The following LHFPL3 variants were observed in gnomAD, a reference collection of about 807,000 sequenced individuals.
LHFPL3 encodes LHFPL tetraspan subfamily member 3 protein.
In LHFPL3, 5 loss-of-function variants were observed where a neutral mutation model predicts 19.3. That is an observed-to-expected ratio of 0.26 (90% CI 0.14 to 0.54). The LOEUF (loss-of-function observed/expected upper bound fraction) is 0.54. Among genes scored for constraint, LHFPL3 ranks in the 20% least tolerant of loss-of-function variants. The pLI, the probability that LHFPL3 is intolerant of heterozygous loss-of-function variation, is 0.94. For missense variants in LHFPL3, 249 were observed against 307.4 expected (o/e 0.81, Z 1.42); for synonymous variants, 133 against 126.2 (o/e 1.05, Z -0.36).
chr7:104,561,311 G>T (rs1303829524), intron 1 of LHFPL3, among the ~76,000 whole-genome samples: 1 of 149,392 alleles, frequency 6.7e-6, no homozygotes, highest in East Asian at 1.9e-4. Flanking sequence ...TAATGTGTGG[G>T]AGTCTAAGTC....
intron 1 of LHFPL3, among the ~76,000 whole-genome samples, chr7:104,405,394 A>C (rs1435173322): frequency 2.0e-5 from 3 of 152,222 alleles, no homozygotes; most frequent in Non-Finnish European, 4.4e-5. Flanking sequence ...AGTACATTTA[A>C]TATTTAATTT....
At chr7:104,372,470 G>C (rs1790634150) in intron 1 of LHFPL3, among the ~76,000 whole-genome samples, 1 of 152,112 alleles carries the variant, frequency 6.6e-6, no homozygotes, top group African/African-American at 2.4e-5. Context: ...GGTTGTGATT[G>C]GTTTTGAGGC....
chr7:104,516,840 G>C (rs1156750051), intron 1 of LHFPL3, among the ~76,000 whole-genome samples: 3 of 152,012 alleles, frequency 2.0e-5, no homozygotes, highest in Non-Finnish European at 4.4e-5. Flanking sequence ...AAAGACACAT[G>C]CACGTGTATA....
chr7:104,511,524 A>T (rs1793812407), intron 1 of LHFPL3, among the ~76,000 whole-genome samples: 2 of 152,362 alleles, frequency 1.3e-5, no homozygotes, highest in East Asian at 3.9e-4. Context: ...GTAAGTATTC[A>T]TGGCAGCTTC....
intron 1 of LHFPL3, among the ~76,000 whole-genome samples, chr7:104,663,673 G>A (rs1792273910): frequency 6.6e-6 from 1 of 152,204 alleles, no homozygotes; most frequent in Admixed American, 6.5e-5. Flanking sequence ...ATATAAGAGA[G>A]CAAGTTTGGG....
At chr7:104,885,669 T>C (rs1792133918) in intron 2 of LHFPL3, among the ~76,000 whole-genome samples, 2 of 152,158 alleles carry the variant, frequency 1.3e-5, no homozygotes, top group Admixed American at 6.6e-5. Flanking sequence ...TTCCAGACCA[T>C]GTCATCACCT....
chr7:104,818,634 C>A (rs937793329), intron 2 of LHFPL3, among the ~76,000 whole-genome samples: 3 of 152,026 alleles, frequency 2.0e-5, no homozygotes, highest in African/African-American at 7.2e-5. Flanking sequence ...AGTAAAATAA[C>A]CAATAACCTA....
At chr7:104,459,685 G>A (rs191426057) in intron 1 of LHFPL3, among the ~76,000 whole-genome samples, 2 of 152,306 alleles carry the variant, frequency 1.3e-5, no homozygotes, top group African/African-American at 4.8e-5. Flanking sequence ...GCACTGGAGA[G>A]GAGATAAATA....
intron 1 of LHFPL3, among the ~76,000 whole-genome samples, chr7:104,404,190 T>C (rs1791373025): frequency 6.6e-6 from 1 of 152,210 alleles, no homozygotes; most frequent in Non-Finnish European, 1.5e-5. Flanking sequence ...ATCTTGAATC[T>C]TGGTCAGTAA....
intron 1 of LHFPL3, among the ~76,000 whole-genome samples, chr7:104,532,318 C>CTTTTTTTTT (rs71155504): frequency 2.0e-3 from 176 of 87,192 alleles, no homozygotes; most frequent in Non-Finnish European, 2.5e-3. Context: ...TTCTTTCTGT[C>CTTTTTTTTT]TTTTTTTTTT....
At chr7:104,477,948 G>A (rs1245871427) in intron 1 of LHFPL3, among the ~76,000 whole-genome samples, 1 of 152,122 alleles carries the variant, frequency 6.6e-6, no homozygotes, top group Non-Finnish European at 1.5e-5. Flanking sequence ...AGCACTAGGG[G>A]TTAGTCCATG....
chr7:104,452,701 T>C (rs1375675942), intron 1 of LHFPL3, among the ~76,000 whole-genome samples: 1 of 152,214 alleles, frequency 6.6e-6, no homozygotes, highest in Non-Finnish European at 1.5e-5. Context: ...ATTACCTGCT[T>C]ATACTCTTTA....
chr7:104,405,492 A>G (rs1289969521), intron 1 of LHFPL3, among the ~76,000 whole-genome samples: 1 of 152,168 alleles, frequency 6.6e-6, no homozygotes, highest in Non-Finnish European at 1.5e-5. Flanking sequence ...TGTGCCTGGC[A>G]TTCACTTAAA....
chr7:104,659,681 C>A (rs1792188218), intron 1 of LHFPL3, among the ~76,000 whole-genome samples: 1 of 152,118 alleles, frequency 6.6e-6, no homozygotes. Flanking sequence ...AAATAAGCAG[C>A]TGAACTGAAT....
At chr7:104,613,394 C>A (rs1331597408) in intron 1 of LHFPL3, among the ~76,000 whole-genome samples, 1 of 152,114 alleles carries the variant, frequency 6.6e-6, no homozygotes, top group Non-Finnish European at 1.5e-5. Context: ...TCCTAGAATT[C>A]CTTTCTTGTG....
At chr7:104,360,879 G>A (rs1562874812) in intron 1 of LHFPL3, among the ~76,000 whole-genome samples, 1 of 152,166 alleles carries the variant, frequency 6.6e-6, no homozygotes, top group Non-Finnish European at 1.5e-5. Context: ...CCAGGGATGG[G>A]CAAACGATAG....
At chr7:104,391,854 A>T (rs1791076817) in intron 1 of LHFPL3, among the ~76,000 whole-genome samples, 1 of 152,060 alleles carries the variant, frequency 6.6e-6, no homozygotes, top group South Asian at 2.1e-4. Context: ...ATCCTCTTTT[A>T]TTTCATTGAG....
At chr7:104,389,153 G>A (rs1270472621) in intron 1 of LHFPL3, among the ~76,000 whole-genome samples, 2 of 152,014 alleles carry the variant, frequency 1.3e-5, no homozygotes, top group Admixed American at 6.6e-5. Context: ...AACTATTAGA[G>A]CAAATAAATA....
intron 2 of LHFPL3, among the ~76,000 whole-genome samples, chr7:104,860,224 C>T (rs964473409): frequency 2.6e-5 from 4 of 151,408 alleles, no homozygotes; most frequent in Non-Finnish European, 5.9e-5. Flanking sequence ...CTCAAATGGC[C>T]TTTTTCTCTC....
Sources: gnomAD v4.1 joint callset for allele counts (sites outside exome capture counted in the v4.1 genomes callset) on GRCh38, gnomAD v4.1.1 for gene constraint, MANE v1.5 for transcripts, NCBI Gene and HGNC (gene_info 2026-07-23, HGNC 2026-07-21) for gene names.